Variants in PHRF1 observed in about 807,000 individuals in gnomAD.
PHRF1 encodes the protein PHD and RING finger domain-containing protein 1.
PHRF1 carries 53 observed loss-of-function variants against 128.9 expected under a neutral mutation model. The observed-to-expected ratio is 0.41, with a 90% confidence interval of 0.33 to 0.52. The LOEUF (loss-of-function observed/expected upper bound fraction) is 0.52. Ranked by LOEUF, PHRF1 falls within the 20% of genes least tolerant of loss-of-function variation. The pLI, the probability that PHRF1 is intolerant of heterozygous loss-of-function variation, is 0.21. For missense variants in PHRF1, 2,503 were observed against 2,284.5 expected, an observed-to-expected ratio of 1.10 and a Z score of -1.95; for synonymous variants, 1,178 against 980.6, an observed-to-expected ratio of 1.20 and a Z score of -3.76.
intron 9 of PHRF1, among the ~76,000 whole-genome samples, chr11:599,037 G>A (rs978087800): frequency 6.6e-6 from 1 of 152,114 alleles, no homozygotes; most frequent in East Asian, 1.9e-4. Context: ...TTAACGGGCC[G>A]CTCCTGGGGA....
chr11:596,008 C>T (rs754126865), intron 6 of PHRF1, among the ~76,000 whole-genome samples: 6 of 152,228 alleles, frequency 3.9e-5, no homozygotes, highest in Non-Finnish European at 8.8e-5. Context: ...ACACAGCAGA[C>T]ACCTTCTCAT....
chr11:599,412 A>G (rs370250246), intron 9 of PHRF1, among the ~76,000 whole-genome samples: 51 of 151,264 alleles, frequency 3.4e-4, no homozygotes, highest in Admixed American at 2.5e-3. Context: ...CACCACACCC[A>G]CCTAGTTTTT....
At chr11:611,507 G>C (rs1436271729) in intron 17 of PHRF1, 127 bp from the exon 18 acceptor site, 4 of 1,365,202 alleles carry the variant, frequency 2.9e-6, no homozygotes, top group African/African-American at 2.9e-5. Context: ...GCCGCCGTCT[G>C]TCTGCGTGCT....
At chr11:601,238 G>C (rs1855605229) in intron 9 of PHRF1, among the ~76,000 whole-genome samples, 1 of 151,758 alleles carries the variant, frequency 6.6e-6, no homozygotes, top group South Asian at 2.1e-4. Context: ...TGAGCCCAGA[G>C]GCCAGCCTGG....
intron 1 of PHRF1, among the ~76,000 whole-genome samples, chr11:580,722 C>CT (rs1220237614): frequency 6.6e-6 from 1 of 152,170 alleles, no homozygotes; most frequent in Non-Finnish European, 1.5e-5. Flanking sequence ...GAGTTTTGCT[C>CT]TTATTGCGCA....
rs771808979 is a variant in PHRF1, at chr11:608,505, ACGCGCTCTGG to A, written c.3050_3059del (p.Thr1017ArgfsTer179). ...GAGGGTGTCCAGGGAGCACGGACGG[ACGCGCTCTGG>A]GACGCGCTCTGAATCCAGGGACAGG... On this transcript the variant is annotated frameshift_variant, in exon 14 of 18. Transcript: ENST00000264555. LOFTEE classifies it high-confidence loss of function. 2 of 1,448,588 alleles carry A rather than the reference ACGCGCTCTGG, an allele frequency of 1.4e-6. No individual in the cohort carries two copies. Among genetic ancestry groups the A allele is most frequent in the Non-Finnish European group, 1.9e-6 (2 of 1,075,240 alleles). 89.7% of individuals were successfully genotyped at this position (1,448,588 alleles called of 1,614,324 possible). A position where few individuals can be genotyped will look rare whatever the true frequency, so the allele number is the denominator to read the frequency against.
chr11:583,747 G>A lies in PHRF1; in HGVS notation c.214+1666G>A, dbSNP rs79852896. Among the ~76,000 whole-genome samples, 885 of 152,274 alleles carry A rather than the reference G, an allele frequency of 5.8e-3. 5 individuals are homozygous for A. Among genetic ancestry groups the A allele is most frequent in the African/African-American group, 0.02 (814 of 41,562 alleles). On this transcript the variant is annotated intron_variant, in intron 3 of 17. Coordinates refer to ENST00000264555, the MANE Select transcript of PHRF1 (RefSeq NM_001286581.2). ...GACGTTATCTCAAACAAAACAAAGGGGAGACAAGTCCGTGGGGTGCGCTGG... is the reference window on the plus strand; with the variant it reads ...GACGTTATCTCAAACAAAACAAAGGAGAGACAAGTCCGTGGGGTGCGCTGG...
intron 10 of PHRF1, among the ~76,000 whole-genome samples, chr11:603,729 G>GTTTTTTTTT (rs71022937): frequency 8.9e-5 from 7 of 78,224 alleles, no homozygotes; most frequent in East Asian, 4.0e-4. Flanking sequence ...ATTTAAGTTT[G>GTTTTTTTTT]TTTTTTTTTT....
intron 6 of PHRF1, among the ~76,000 whole-genome samples, chr11:594,289 C>T (rs1855157282): frequency 1.3e-5 from 2 of 152,188 alleles, no homozygotes; most frequent in Admixed American, 6.5e-5. Flanking sequence ...TGGTCCTGGT[C>T]GCCACAGGCA....
In PHRF1 at chr11:597,623, T is replaced by C; in HGVS notation, c.894+53T>C. On this transcript the variant is annotated intron_variant, in intron 8 of 17. Coordinates refer to ENST00000264555, the MANE Select transcript of PHRF1 (RefSeq NM_001286581.2). This position sits in a 1 kb window ranked among gnomAD's most constrained non-coding sequence, Gnocchi z 6.5. The stretch of plus-strand genomic sequence containing the variant: ...GTAGAACCCCAGCTGCCCAGAGTGA[T>C]CTCGGCAGTCTGGGTGGGTGGGAGG... 1 of 1,477,876 alleles carries C rather than the reference T, an allele frequency of 6.8e-7. No individual in the cohort carries two copies. The highest frequency in any genetic ancestry group is 9.2e-7 in the Non-Finnish European group (1 of 1,088,916). The allele number at this position is 1,477,876 out of a possible 1,614,324, so 91.5% of individuals were successfully genotyped here.
Position 610,181 on chromosome 11 carries a change from C to T in PHRF1, c.4265-15C>T. 10 of 1,489,182 alleles carry T rather than the reference C, an allele frequency of 6.7e-6. No homozygotes were observed. The highest frequency in any genetic ancestry group is 2.6e-5 in the South Asian group (2 of 75,984). The allele number at this position is 1,489,182 out of a possible 1,614,324, so 92.2% of individuals were successfully genotyped here. On this transcript the variant is annotated splice_polypyrimidine_tract_variant and intron_variant, in intron 14 of 17. Coordinates refer to ENST00000264555, the MANE Select transcript of PHRF1 (RefSeq NM_001286581.2). ...GGGCACAGAGCACCCACCTCCCTGTCTGTCGGGCCCCCAGGGGCACCACTT... is the reference window on the plus strand; with the variant it reads ...GGGCACAGAGCACCCACCTCCCTGTTTGTCGGGCCCCCAGGGGCACCACTT...
intron 6 of PHRF1, among the ~76,000 whole-genome samples, chr11:595,770 G>A (rs1431090681): frequency 1.3e-5 from 2 of 152,218 alleles, no homozygotes; most frequent in East Asian, 3.8e-4. Context: ...TGGGTTGGAC[G>A]TTTTCAGACT....
At chr11:589,284 G>T (rs1167948381) in intron 4 of PHRF1, among the ~76,000 whole-genome samples, 1 of 152,194 alleles carries the variant, frequency 6.6e-6, no homozygotes, top group Admixed American at 6.5e-5. Context: ...TTCTAACACA[G>T]CCGTGACTGA....
chr11:608,910 G>A lies in PHRF1; in HGVS notation c.3454G>A (p.Val1152Met). The change falls in exon 14 of 18, where the codon GTG (valine) becomes ATG (methionine). Residue 1152 changes from valine (V) to methionine (M), a missense_variant. Coordinates refer to ENST00000264555, the MANE Select transcript of PHRF1 (RefSeq NM_001286581.2). The stretch of plus-strand genomic sequence containing the variant: ...CGAGCGGCCAGACAGGAAGGAGAGT[G>A]TGGCGTGGCCCCGAGACCGGAGGAA... ...SHERPDRKES[V>M]AWPRDRRKRR... 1.2e-6 allele frequency: 2 copies of A among 1,612,118 alleles called. No homozygotes were observed. The highest frequency in any genetic ancestry group is 1.7e-6 in the Non-Finnish European group (2 of 1,179,724).
chr11:578,284 T>C (rs1057437517), intron 1 of PHRF1, among the ~76,000 whole-genome samples: 3 of 152,204 alleles, frequency 2.0e-5, no homozygotes, highest in Admixed American at 1.3e-4. Context: ...TGGTTACTTT[T>C]GTGTGATATC....
At chr11:610,825 G>C in intron 16 of PHRF1, 64 bp downstream of exon 16, 1 of 1,586,336 alleles carries the variant, frequency 6.3e-7, no homozygotes, top group Admixed American at 1.7e-5. Context: ...AAGTTGTTGG[G>C]GCTGAGTTTA....
intron 5 of PHRF1, among the ~76,000 whole-genome samples, chr11:592,064 C>T (rs867553970): frequency 2.0e-5 from 3 of 152,066 alleles, no homozygotes; most frequent in African/African-American, 4.8e-5. Context: ...TACAGGCACC[C>T]GCCACCACGC....
chr11:608,250 C>G lies in PHRF1; in HGVS notation c.2794C>G (p.Leu932Val), dbSNP rs777254122. ...AGAGAGCCAGGGCCTGGCTGCCCGGCTGCGGAGGCCATCCCCCCCAGAGCC... is the reference window on the plus strand; with the variant it reads ...AGAGAGCCAGGGCCTGGCTGCCCGGGTGCGGAGGCCATCCCCCCCAGAGCC... ...PTESQGLAAR[L>V]RRPSPPEPWD... is the part of the protein sequence containing the mutation. The change falls in exon 14 of 18, where the codon CTG (leucine) becomes GTG (valine). Residue 932 changes from leucine to valine, a missense_variant. By Grantham distance (32) the Leu-to-Val change is conservative. Coordinates refer to ENST00000264555, the MANE Select transcript of PHRF1 (RefSeq NM_001286581.2). The G allele has an allele frequency of 6.2e-6, 10 of 1,609,676 alleles. No homozygotes were observed. In the African/African-American group the frequency reaches 1.3e-4, roughly 21 times the overall value.
rs1564867579 is a variant in PHRF1 at position 608,507 on chromosome 11, GCGC to G, written c.3052_3054del (p.Arg1018del). ...GGGTGTCCAGGGAGCACGGACGGAC[GCGC>G]TCTGGGACGCGCTCTGAATCCAGGG... is the stretch of plus-strand genomic sequence containing the variant. On this transcript the variant is annotated inframe_deletion, in exon 14 of 18. Coordinates refer to ENST00000264555, the MANE Select transcript of PHRF1 (RefSeq NM_001286581.2). 1 of 1,448,114 alleles carries G rather than the reference GCGC, an allele frequency of 6.9e-7. No homozygotes were observed. Among genetic ancestry groups the G allele is most frequent in the Non-Finnish European group, 9.3e-7 (1 of 1,074,920 alleles). The allele number at this position is 1,448,114 out of a possible 1,614,324, so 89.7% of individuals were successfully genotyped here.
Sources: allele counts gnomAD v4.1 joint callset (sites outside exome capture counted in the v4.1 genomes callset), GRCh38; gene constraint gnomAD v4.1.1; non-coding constraint Gnocchi (gnomAD v3.1); transcripts MANE v1.5; gene names NCBI Gene and HGNC (gene_info 2026-07-23, HGNC 2026-07-21).